Variants in GSTA3 observed in about 807,000 individuals in gnomAD.
GSTA3 encodes glutathione S-transferase alpha 3, also known as glutathione S-transferase A3.
In GSTA3, 16 loss-of-function variants were observed where a neutral mutation model predicts 23.1. That is an observed-to-expected ratio of 0.69 (90% CI 0.47 to 1.05). The LOEUF is 1.05. Among genes scored for constraint, GSTA3 ranks in the 50% least tolerant of loss-of-function variants. The probability of loss-of-function intolerance (pLI) is 0.00; values close to 1 mark genes in which losing one functional copy is unlikely to be tolerated. For missense variants in GSTA3, 319 were observed against 263.6 expected (o/e 1.21, Z -1.46); for synonymous variants, 122 against 91.0 (o/e 1.34, Z -1.94).
chr6:52,905,414 A>G (rs1029510476), intron 2 of GSTA3, among the ~76,000 whole-genome samples: 1 of 152,100 alleles, frequency 6.6e-6, no homozygotes, highest in Non-Finnish European at 1.5e-5. Flanking sequence ...CTAACATTCA[A>G]TCAATATTCA....
chr6:52,905,673 A>G, intron 2 of GSTA3, 75 bp downstream of exon 2: 3 of 825,466 alleles, frequency 3.6e-6, no homozygotes, highest in South Asian at 1.6e-5. Flanking sequence ...TCTAGTATGG[A>G]AGTCTCTTGG....
At chr6:52,903,363 G>A (rs557877918) in intron 3 of GSTA3, among the ~76,000 whole-genome samples, 8 of 151,294 alleles carry the variant, frequency 5.3e-5, no homozygotes, top group East Asian at 1.9e-4. Context: ...CGAGGCGGGC[G>A]GATCACGAGG....
At position 52,897,719 on chromosome 6, in the gene GSTA3, C is replaced by T. The variant is rs2236213; in HGVS notation, c.546+106G>A. On this transcript the variant is annotated intron_variant, in intron 6 of 6. Transcript: ENST00000211122. ...TTTGGAGACCTGGGGGTACTGAAGG[C>T]CTGAAAAAGGCTGGGGTCAGAACAT... 449 of 1,276,206 alleles carry T rather than the reference C, an allele frequency of 3.5e-4. 4 individuals carry two copies. The East Asian group carries it at 0.01, about 29-fold the overall frequency. The allele number at this position is 1,276,206 out of a possible 1,614,324, so 79.1% of individuals were successfully genotyped here.
At chr6:52,907,737 C>T (rs1256432690) in intron 1 of GSTA3, among the ~76,000 whole-genome samples, 1 of 150,052 alleles carries the variant, frequency 6.7e-6, no homozygotes, top group African/African-American at 2.5e-5. Context: ...AAAAACCAAA[C>T]ACCGCATGTT....
chr6:52,905,381 T>C (rs1423280419), intron 2 of GSTA3, among the ~76,000 whole-genome samples: 1 of 152,186 alleles, frequency 6.6e-6, no homozygotes, highest in Non-Finnish European at 1.5e-5. Context: ...CTAAAAAATT[T>C]AACAGTAATT....
chr6:52,907,600 T>A (rs1765935495), intron 1 of GSTA3, among the ~76,000 whole-genome samples: 1 of 151,046 alleles, frequency 6.6e-6, no homozygotes, highest in Admixed American at 6.6e-5. Flanking sequence ...CAGACTGGAT[T>A]AAGAAAATGT....
In GSTA3 at chr6:52,897,961, A is replaced by C. The variant is rs1411279001; in HGVS notation, c.415-5T>G. 6.2e-7 allele frequency: 1 copy of C among 1,613,888 alleles called. No individual in the cohort carries two copies. Among genetic ancestry groups the C allele is most frequent in the South Asian group, 1.1e-5 (1 of 91,076 alleles). ...TTGTCCATGGCTCTGTAACACCTGG[A>C]GAATTTGAGGAATCAGATCAGGAAT... On this transcript the variant is annotated splice_polypyrimidine_tract_variant and splice_region_variant and intron_variant, in intron 5 of 6. Coordinates refer to ENST00000211122, the MANE Select transcript of GSTA3 (RefSeq NM_000847.5).
At chr6:52,902,970 C>T (rs1214917118) in intron 3 of GSTA3, among the ~76,000 whole-genome samples, 2 of 152,120 alleles carry the variant, frequency 1.3e-5, no homozygotes, top group African/African-American at 4.8e-5. Context: ...AAGAAAACAA[C>T]TCAAGGTAAT....
At chr6:52,904,879 C>A (rs1376869063) in intron 2 of GSTA3, among the ~76,000 whole-genome samples, 1 of 152,166 alleles carries the variant, frequency 6.6e-6, no homozygotes, top group East Asian at 1.9e-4. Context: ...CTGATTTTAA[C>A]CACGTGTTTT....
chr6:52,904,410 T>C (rs751027111), intron 2 of GSTA3, among the ~76,000 whole-genome samples: 1 of 152,012 alleles, frequency 6.6e-6, no homozygotes, highest in Non-Finnish European at 1.5e-5. Context: ...TGAAACAGGG[T>C]ATTCATTTGT....
At chr6:52,904,854 T>C (rs1443652121) in intron 2 of GSTA3, among the ~76,000 whole-genome samples, 4 of 152,196 alleles carry the variant, frequency 2.6e-5, no homozygotes, top group Non-Finnish European at 5.9e-5. Flanking sequence ...CTGGGTGTTC[T>C]AGAAGCCCCC....
intron 4 of GSTA3, among the ~76,000 whole-genome samples, chr6:52,900,717 C>G (rs1765653618): frequency 1.3e-5 from 2 of 152,208 alleles, no homozygotes; most frequent in South Asian, 4.1e-4. Context: ...CCCACCGATG[C>G]TGTGCCAGGA....
rs1053326756 is a variant in GSTA3 at position 52,902,378 on chromosome 6, G to A, written c.240C>T (p.Asn80=). The part of the protein sequence containing the change: ...AILNYIASKY[N]LYGKDIKERA... ...TCTCCTTTATGTCTTTCCCGTAGAG[G>A]TTGTATTTGCTGGCAATGTAGTTGA... Residue 80 remains asparagine (N), a synonymous_variant, in exon 4 of 7, where the codon AAC becomes AAT. Transcript: ENST00000211122. 4 of 1,613,932 alleles carry A rather than the reference G, an allele frequency of 2.5e-6. No individual in the cohort carries two copies. Among genetic ancestry groups the A allele is most frequent in the Middle Eastern group, 1.7e-4 (1 of 6,058 alleles).
chr6:52,897,853 C>G lies in GSTA3; in HGVS notation c.518G>C (p.Ser173Thr), dbSNP rs1470008161. 6.2e-7 allele frequency: 1 copy of G among 1,613,864 alleles called. No homozygotes were observed. The highest frequency in any genetic ancestry group is 8.5e-7 in the Non-Finnish European group (1 of 1,179,884). Residue 173 changes from serine to threonine, a missense_variant, in exon 6 of 7, where the codon AGC becomes ACC. Physicochemically the swap from Ser to Thr is moderately conservative, Grantham distance 58. Transcript: ENST00000211122. ...CAGCAGAGGGAAGTTGGAGATAAGGCTGGAGTCAAGCTCTTCCACATAGTA... is the reference window on the plus strand; with the variant it reads ...CAGCAGAGGGAAGTTGGAGATAAGGGTGGAGTCAAGCTCTTCCACATAGTA... ...LLYYVEELDS[S>T]LISNFPLLKA... is the part of the protein sequence containing the mutation.
At chr6:52,907,413 G>A (rs1765927357) in intron 1 of GSTA3, among the ~76,000 whole-genome samples, 1 of 146,530 alleles carries the variant, frequency 6.8e-6, no homozygotes, top group Admixed American at 6.9e-5. Flanking sequence ...AAGTCAGTGT[G>A]GCGATTCCTC....
intron 4 of GSTA3, among the ~76,000 whole-genome samples, 168 bp downstream of exon 4, chr6:52,902,178 C>T (rs1765708356): frequency 6.6e-6 from 1 of 152,196 alleles, no homozygotes; most frequent in South Asian, 2.1e-4. Flanking sequence ...TCCTCACGTT[C>T]ACTGTTTCCT....
At chr6:52,906,667 C>G (rs569941721) in intron 1 of GSTA3, among the ~76,000 whole-genome samples, 2 of 151,972 alleles carry the variant, frequency 1.3e-5, no homozygotes, top group Non-Finnish European at 2.9e-5. Flanking sequence ...CGCATATCTA[C>G]AACTATCTGA....
intron 2 of GSTA3, among the ~76,000 whole-genome samples, chr6:52,904,311 T>G (rs1347755607): frequency 6.6e-6 from 1 of 151,828 alleles, no homozygotes; most frequent in Non-Finnish European, 1.5e-5. Context: ...TTACTTCACC[T>G]CCCCACGATC....
At chr6:52,905,997 C>T (rs1002623336) in intron 1 of GSTA3, 142 bp from the exon 2 acceptor site, 92 of 483,940 alleles carry the variant, frequency 1.9e-4, no homozygotes, top group Admixed American at 2.8e-4. Flanking sequence ...ATTCTGTTTG[C>T]ACTAGACAGG....
Sources: allele counts gnomAD v4.1 joint callset (sites outside exome capture counted in the v4.1 genomes callset), GRCh38; gene constraint gnomAD v4.1.1; transcripts MANE v1.5; gene names NCBI Gene and HGNC (gene_info 2026-07-23, HGNC 2026-07-21).